The following USH2A variants were observed in gnomAD, a reference collection of about 807,000 sequenced individuals.
USH2A encodes usherin.
In USH2A, 443 loss-of-function variants were observed where a neutral mutation model predicts 538.9. That is an observed-to-expected ratio of 0.82 (90% confidence interval 0.76 to 0.89). The LOEUF is 0.89. USH2A is among the 40% of genes least tolerant of loss of function. The pLI, the probability that USH2A is intolerant of heterozygous loss-of-function variation, is 0.00. For synonymous variants in USH2A, 2,413 were observed against 2,273.5 expected, an observed-to-expected ratio of 1.06 and a Z score of -1.75; for missense variants, 6,633 against 6,324.8, an observed-to-expected ratio of 1.05 and a Z score of -1.65.
intron 43 of USH2A, among the ~76,000 whole-genome samples, chr1:215,867,619 A>G (rs191362885): frequency 5.8e-4 from 88 of 152,262 alleles, no homozygotes; most frequent in Non-Finnish European, 8.4e-4. Flanking sequence ...CCTCATCAAC[A>G]TTTTCTTCCG....
chr1:216,068,217 A>G (rs893897764), intron 30 of USH2A, among the ~76,000 whole-genome samples: 1 of 152,212 alleles, frequency 6.6e-6, no homozygotes, highest in Non-Finnish European at 1.5e-5. Context: ...TTAAGTGAGG[A>G]CAAAATGAGC....
At position 215,844,157 on chromosome 1, in the gene USH2A, T is replaced by G. The variant is rs1224306583; in HGVS notation, c.9258+137A>C. 3 of 902,606 alleles carry G rather than the reference T, an allele frequency of 3.3e-6. No individual in the cohort carries two copies. In the Admixed American group the frequency reaches 6.3e-5, roughly 19 times the overall value. 55.9% of individuals were successfully genotyped at this position (902,606 alleles called of 1,614,324 possible). A position where few individuals can be genotyped will look rare whatever the true frequency, so the allele number is the denominator to read the frequency against. On this transcript the variant is annotated intron_variant, in intron 46 of 71. Transcript: ENST00000307340. ...AGCACACAGATTTAATTCTGATCAA[T>G]TTCCCTTCTCTCTTTTCCCTTCCCC...
Position 215,844,309 on chromosome 1 carries a change from A to C in USH2A, c.9243T>G (p.Thr3081=), listed in dbSNP as rs747852849. 3 of 1,613,472 alleles carry C rather than the reference A, an allele frequency of 1.9e-6. No individual in the cohort carries two copies. Among genetic ancestry groups the C allele is most frequent in the Non-Finnish European group, 2.5e-6 (3 of 1,179,762 alleles). ...SFILRDLSPF[T]IYDIQVEVCT... ...ATGTTCTAACCTGAATGTCATAGAT[A>C]GTGAAGGGAGACAGGTCTCTCAGAA... The change falls in exon 46 of 72, where the codon ACT becomes ACG. Residue 3081 remains threonine (T), a synonymous_variant. Coordinates refer to ENST00000307340, the MANE Select transcript of USH2A (RefSeq NM_206933.4).
At chr1:215,902,899 T>A (rs1187615789) in intron 38 of USH2A, among the ~76,000 whole-genome samples, 2 of 152,034 alleles carry the variant, frequency 1.3e-5, no homozygotes, top group African/African-American at 4.8e-5. Context: ...AGTTGTAGCC[T>A]TCATAGGAGT....
At chr1:215,927,935 C>T (rs1289711545) in intron 38 of USH2A, among the ~76,000 whole-genome samples, 1 of 151,900 alleles carries the variant, frequency 6.6e-6, no homozygotes, top group African/African-American at 2.4e-5. Context: ...GAATTAAACC[C>T]TAAATGTTGA....
chr1:216,114,607 C>A (rs2032958789), intron 21 of USH2A, among the ~76,000 whole-genome samples: 1 of 152,088 alleles, frequency 6.6e-6, no homozygotes, highest in Admixed American at 6.6e-5. Context: ...GACTACAATG[C>A]ATTTTAAATT....
chr1:216,130,973 A>AT lies in USH2A; in HGVS notation c.4628-33761dup, dbSNP rs1215355828. 7.3e-5 allele frequency among the ~76,000 whole-genome samples: 11 copies of AT among 151,624 alleles called. No individual in the cohort carries two copies. In the East Asian group the frequency reaches 2.1e-3, roughly 30 times the overall value. On this transcript the variant is annotated intron_variant, in intron 21 of 71. Transcript: ENST00000307340. ...CACCTCATCGACTTCAACATCTATT[A>AT]TTTTTTTATTTTTTTGATTATGGCC...
chr1:215,786,823 G>A lies in USH2A; in HGVS notation c.10234C>T (p.His3412Tyr), dbSNP rs1231789074. 1 of 1,613,946 alleles carries A rather than the reference G, an allele frequency of 6.2e-7. No homozygotes were observed. Among genetic ancestry groups the A allele is most frequent in the Non-Finnish European group, 8.5e-7 (1 of 1,179,926 alleles). ...LCPASMEATE[H>Y]CGRCDFNFTS... The stretch of plus-strand genomic sequence containing the variant: ...AAGTTGAAGTCACACCTGCCACAAT[G>A]TTCTGTGGCTTCCATAGATGCTGGG... The change falls in exon 52 of 72, where the codon CAT becomes TAT. Residue 3412 changes from histidine (H) to tyrosine (Y), a missense_variant. By Grantham distance (83) the His-to-Tyr change is moderately conservative. Transcript: ENST00000307340.
rs1052107851 is a variant in USH2A, at chr1:216,086,788, T to C, written c.4918A>G (p.Ile1640Val). The C allele has an allele frequency of 1.9e-5, 30 of 1,612,980 alleles. No homozygotes were observed. Among genetic ancestry groups the C allele is most frequent in the Non-Finnish European group, 2.5e-5 (29 of 1,179,298 alleles). The change falls in exon 24 of 72, where the codon ATT becomes GTT. Residue 1640 changes from isoleucine to valine, a missense_variant. Physicochemically the swap from Ile to Val is conservative, Grantham distance 29. Transcript: ENST00000307340. ...SSAILNGSTV[I>V]GDNTGVFLGG... Reference sequence around the variant, plus strand: ...AGAAAGACTCCTGTGTTATCTCCAATAACAGTACTACCATTCAGGATGGCA... The same window carrying C: ...AGAAAGACTCCTGTGTTATCTCCAACAACAGTACTACCATTCAGGATGGCA...
At chr1:216,016,610 C>A (rs927062056) in intron 32 of USH2A, among the ~76,000 whole-genome samples, 1 of 152,282 alleles carries the variant, frequency 6.6e-6, no homozygotes, top group African/African-American at 2.4e-5. Flanking sequence ...TAATAAATTT[C>A]TCTTGTAAGC....
At chr1:215,629,900 C>T (rs1477920882) in intron 70 of USH2A, 10 of 294,384 alleles carry the variant, frequency 3.4e-5, no homozygotes, top group Non-Finnish European at 6.7e-5. Context: ...CTCAGCCTCC[C>T]GAGTAGCTGG....
Position 215,807,742 on chromosome 1 carries a change from T to C in USH2A, c.9739+5994A>G, listed in dbSNP as rs145471797. 1.5e-3 allele frequency among the ~76,000 whole-genome samples: 227 copies of C among 152,160 alleles called. 1 individual carries two copies. The highest frequency in any genetic ancestry group is 9.5e-3 in the East Asian group (49 of 5,168). ...CATTAGATGTTTGAATCTTAGCTTT[T>C]GGGAACTGGCTATCCCTTTACATGA... On this transcript the variant is annotated intron_variant, in intron 49 of 71. Coordinates refer to ENST00000307340, the MANE Select transcript of USH2A (RefSeq NM_206933.4).
At chr1:216,023,331 G>A (rs1228335816) in intron 32 of USH2A, among the ~76,000 whole-genome samples, 1 of 151,752 alleles carries the variant, frequency 6.6e-6, no homozygotes, top group Non-Finnish European at 1.5e-5. Context: ...ATTTAGGAAA[G>A]GAAAGTGAAA....
intron 35 of USH2A, among the ~76,000 whole-genome samples, chr1:215,971,417 G>A (rs559189920): frequency 6.6e-6 from 1 of 152,002 alleles, no homozygotes; most frequent in Non-Finnish European, 1.5e-5. Context: ...AGAACAGGAA[G>A]GACATAGACC....
chr1:216,244,638 A>G (rs2036001274), intron 13 of USH2A, among the ~76,000 whole-genome samples: 1 of 152,160 alleles, frequency 6.6e-6, no homozygotes, highest in South Asian at 2.1e-4. Context: ...CATGGTGTAG[A>G]TTAAATTATC....
rs1190506266 is a variant in USH2A, at chr1:216,070,116, T to C, written c.6034A>G (p.Thr2012Ala). The C allele has an allele frequency of 2.5e-6, 4 of 1,613,980 alleles. No individual in the cohort carries two copies. The highest frequency in any genetic ancestry group is 1.7e-4 in the Middle Eastern group (1 of 6,060). ...MPSASAEFVN[T>A]SNLTGILTGL... Reference sequence around the variant, plus strand: ...TTGCATTTACCTGTGAGGTTGCTTGTATTGACAAATTCAGCACTGGCAGAG... The same window carrying C: ...TTGCATTTACCTGTGAGGTTGCTTGCATTGACAAATTCAGCACTGGCAGAG... Residue 2012 changes from threonine (T) to alanine (A), a missense_variant, in exon 30 of 72, where the codon ACA becomes GCA. Transcript: ENST00000307340.
intron 37 of USH2A, among the ~76,000 whole-genome samples, chr1:215,956,449 G>A (rs1226684221): frequency 1.3e-5 from 2 of 152,102 alleles, no homozygotes; most frequent in African/African-American, 4.8e-5. Flanking sequence ...GCCTTCCAAA[G>A]CCAAAGGTAC....
intron 4 of USH2A, among the ~76,000 whole-genome samples, chr1:216,335,121 A>G (rs1425619074): frequency 6.6e-6 from 1 of 151,750 alleles, no homozygotes; most frequent in Non-Finnish European, 1.5e-5. Context: ...TCACAATAGA[A>G]AAAATTAGAA....
At chr1:216,246,513 C>A in intron 13 of USH2A, 72 bp downstream of exon 13, 1 of 1,605,932 alleles carries the variant, frequency 6.2e-7, no homozygotes, top group Non-Finnish European at 8.5e-7. Context: ...AAACCAGAAA[C>A]AGGGAGAAGT....
Sources: allele counts gnomAD v4.1 joint callset (sites outside exome capture counted in the v4.1 genomes callset), GRCh38; gene constraint gnomAD v4.1.1; transcripts MANE v1.5; gene names NCBI Gene and HGNC (gene_info 2026-07-23, HGNC 2026-07-21).